Variants in ADAM28 observed in about 807,000 individuals in gnomAD.
The protein encoded by ADAM28 is disintegrin and metalloproteinase domain-containing protein 28.
A neutral mutation model predicts 101.2 loss-of-function variants in ADAM28; 105 were observed. The ratio of observed to expected loss-of-function variants is 1.04; its 90% CI spans 0.89 to 1.22. ADAM28 has a LOEUF of 1.22. Ranked by LOEUF, ADAM28 falls within the 50% of genes most tolerant of loss-of-function variation. ADAM28 has a pLI of 0.00. For missense variants in ADAM28, 1,028 were observed against 945.4 expected (o/e 1.09, Z -1.15); for synonymous variants, 322 against 310.6 (o/e 1.04, Z -0.39).
chr8:24,329,847 CTGTGTG>C (rs148363179), intron 10 of ADAM28, 132 bp from the exon 11 acceptor site: 13 of 672,754 alleles, frequency 1.9e-5, no homozygotes, highest in Non-Finnish European at 3.0e-5. Context: ...CTCTCTTGCT[CTGTGTG>C]TGTGTGTGTG....
chr8:24,326,036 T>G (rs915527979), intron 9 of ADAM28, among the ~76,000 whole-genome samples: 1 of 151,670 alleles, frequency 6.6e-6, no homozygotes, highest in African/African-American at 2.4e-5. Context: ...TGCAAATGAT[T>G]CAAACCCCTC....
chr8:24,309,403 C>G (rs1810134381), intron 2 of ADAM28, among the ~76,000 whole-genome samples: 1 of 152,110 alleles, frequency 6.6e-6, no homozygotes, highest in East Asian at 1.9e-4. Context: ...GTTAACTTCC[C>G]TTACTCACTT....
Position 24,318,511 on chromosome 8 carries a change from C to G in ADAM28, c.577-1725C>G, listed in dbSNP as rs557600783. ...AGACGTTTATCTCTAGCCTCTGCCC[C>G]TCTCCTAAAGGCCAGACTGTTATAA... is the stretch of plus-strand genomic sequence containing the variant. On this transcript the variant is annotated intron_variant, in intron 6 of 22. Coordinates refer to ENST00000265769, the MANE Select transcript of ADAM28 (RefSeq NM_014265.6). Among the ~76,000 whole-genome samples the G allele has an allele frequency of 3.9e-5, 6 of 152,020 alleles. No individual in the cohort carries two copies. The South Asian group carries it at 1.0e-3, about 26-fold the overall frequency.
chr8:24,326,518 TA>T, intron 9 of ADAM28, 35 bp from the exon 10 acceptor site: 2 of 1,578,894 alleles, frequency 1.3e-6, no homozygotes, highest in Non-Finnish European at 1.7e-6. Flanking sequence ...AGCTTAGCAT[TA>T]TAATTTGTTA....
intron 6 of ADAM28, 26 bp from the exon 7 acceptor site, chr8:24,320,210 C>A: frequency 6.8e-7 from 1 of 1,467,196 alleles, no homozygotes; most frequent in Non-Finnish European, 9.5e-7. Context: ...AATATTGTAT[C>A]AGTAATTCTA....
rs59336223 is a variant in ADAM28, at chr8:24,305,477, T to A, written c.151-4417T>A. Reference sequence around the variant, plus strand: ...TTTTTTTTTTTTTTTTTTTTTTTTTTAAAATATGTCTTTGCTATGTCTCTA... The same window carrying A: ...TTTTTTTTTTTTTTTTTTTTTTTTTAAAAATATGTCTTTGCTATGTCTCTA... On this transcript the variant is annotated intron_variant, in intron 2 of 22. Transcript: ENST00000265769. Among the ~76,000 whole-genome samples, 1,013 of 138,862 alleles carry A rather than the reference T, an allele frequency of 7.3e-3. 24 individuals carry two copies. The East Asian group carries it at 0.092, about 13-fold the overall frequency. 91.1% of individuals were successfully genotyped at this position (138,862 alleles called of 152,430 possible).
In ADAM28 at chr8:24,351,983, T is replaced by G. The variant is rs778064639; in HGVS notation, c.2179-4T>G. The G allele has an allele frequency of 1.2e-6, 2 of 1,613,490 alleles. No individual in the cohort carries two copies. Among genetic ancestry groups the G allele is most frequent in the Non-Finnish European group, 1.7e-6 (2 of 1,179,568 alleles). ...CATTTTGAAATATTCGTTCTTCTTT[T>G]CAGATGAGTCAGATGAAGCCCCATG... On this transcript the variant is annotated splice_region_variant and splice_polypyrimidine_tract_variant and intron_variant, in intron 20 of 22. Transcript: ENST00000265769.
chr8:24,354,471 G>A lies in ADAM28; in HGVS notation c.*67G>A, dbSNP rs1816539118. ...GGAAAACTGGAAAATCTGGATGGCA[G>A]AGAAATATACTATCTATCTCACCAG... is the stretch of plus-strand genomic sequence containing the variant. On this transcript the variant is annotated 3_prime_UTR_variant, in exon 23 of 23. Transcript: ENST00000265769. The A allele has an allele frequency of 1.4e-6, 2 of 1,416,846 alleles. No homozygotes were observed. Among genetic ancestry groups the A allele is most frequent in the Non-Finnish European group, 1.9e-6 (2 of 1,075,598 alleles). 87.8% of individuals were successfully genotyped at this position (1,416,846 alleles called of 1,614,324 possible). A position where few individuals can be genotyped will look rare whatever the true frequency, so the allele number is the denominator to read the frequency against.
At chr8:24,335,001 G>A (rs956002444) in intron 13 of ADAM28, among the ~76,000 whole-genome samples, 2 of 152,300 alleles carry the variant, frequency 1.3e-5, no homozygotes, top group South Asian at 4.1e-4. Flanking sequence ...GGGAAAGTCC[G>A]AGTCTGCTGA....
chr8:24,324,192 G>T (rs535524112), intron 9 of ADAM28, among the ~76,000 whole-genome samples, 189 bp downstream of exon 9: 1 of 151,670 alleles, frequency 6.6e-6, no homozygotes, highest in East Asian at 1.9e-4. Flanking sequence ...CAATAATTTG[G>T]CAATAATTTA....
At chr8:24,343,731 A>T in intron 18 of ADAM28, 147 bp downstream of exon 18, 1 of 680,064 alleles carries the variant, frequency 1.5e-6, no homozygotes, top group African/African-American at 1.8e-5. Context: ...TATCCCCCAA[A>T]TCTCCTTAAT....
At chr8:24,324,085 C>A in intron 9 of ADAM28, 82 bp downstream of exon 9, 4 of 1,352,412 alleles carry the variant, frequency 3.0e-6, no homozygotes, top group Non-Finnish European at 4.1e-6. Flanking sequence ...GAGGGGTGCA[C>A]ATAGAGGGGT....
Position 24,339,527 on chromosome 8 carries a change from C to G in ADAM28, c.1629C>G (p.Tyr543Ter), listed in dbSNP as rs1585699982. ...ATGAAGGTGGGTCAAAGTACGGGTA[C>G]TGTCGCAGAGTGGATGACACACTCA... ...NRNEGGSKYG[Y>*]CRRVDDTLIP... is the part of the protein sequence containing the mutation. Residue 543 changes from tyrosine (Y) to a stop codon, truncating the protein, a stop_gained, in exon 15 of 23, where the codon TAC becomes TAG. Transcript: ENST00000265769. LOFTEE classifies it high-confidence loss of function. 1 of 1,613,164 alleles carries G rather than the reference C, an allele frequency of 6.2e-7. No individual in the cohort carries two copies. Among genetic ancestry groups the G allele is most frequent in the East Asian group, 2.2e-5 (1 of 44,826 alleles).
chr8:24,348,134 T>G (rs1284821991), intron 18 of ADAM28, among the ~76,000 whole-genome samples: 3 of 152,174 alleles, frequency 2.0e-5, no homozygotes, highest in Non-Finnish European at 2.9e-5. Flanking sequence ...ACTTATTGAT[T>G]TTATTATTTT....
intron 10 of ADAM28, among the ~76,000 whole-genome samples, chr8:24,327,444 C>T (rs148927100): frequency 0.014 from 2,157 of 152,184 alleles, 51 homozygotes; most frequent in African/African-American, 0.049. Flanking sequence ...GAATCAATAT[C>T]ATGGAAATGG....
At chr8:24,308,748 A>G (rs1362960175) in intron 2 of ADAM28, 2 of 455,400 alleles carry the variant, frequency 4.4e-6, no homozygotes, top group Non-Finnish European at 8.8e-6. Flanking sequence ...GCAGACCTCA[A>G]CAACTGAGGA....
chr8:24,335,177 T>C (rs1036636278), intron 13 of ADAM28, among the ~76,000 whole-genome samples: 1 of 152,060 alleles, frequency 6.6e-6, no homozygotes, highest in Non-Finnish European at 1.5e-5. Flanking sequence ...TTTTTTTTTT[T>C]TCGTCCTGTA....
intron 2 of ADAM28, among the ~76,000 whole-genome samples, chr8:24,307,565 A>C (rs1265826933): frequency 6.6e-6 from 1 of 152,212 alleles, no homozygotes; most frequent in Non-Finnish European, 1.5e-5. Context: ...ATAAGGACTA[A>C]ATAAGTATGT....
intron 2 of ADAM28, among the ~76,000 whole-genome samples, chr8:24,302,131 C>T (rs2129239703): frequency 6.6e-6 from 1 of 152,250 alleles, no homozygotes; most frequent in South Asian, 2.1e-4. Context: ...TGTTGTTCCC[C>T]TGCCTGTGTC....
Sources: gnomAD v4.1 joint callset for allele counts (sites outside exome capture counted in the v4.1 genomes callset) on GRCh38, gnomAD v4.1.1 for gene constraint, MANE v1.5 for transcripts, NCBI Gene and HGNC (gene_info 2026-07-23, HGNC 2026-07-21) for gene names.